The following IFT140 variants were observed in gnomAD, a reference collection of about 807,000 sequenced individuals.
IFT140 encodes the protein intraflagellar transport protein 140 homolog.
IFT140 carries 133 observed loss-of-function variants against 164.6 expected under a neutral mutation model. That is an observed-to-expected ratio of 0.81 (90% CI 0.70 to 0.93). The LOEUF (loss-of-function observed/expected upper bound fraction) is 0.93. Among genes scored for constraint, IFT140 ranks in the 40% least tolerant of loss-of-function variants. IFT140 has a pLI of 0.00. For missense variants in IFT140, 2,045 were observed against 1,972.3 expected, an observed-to-expected ratio of 1.04 and a Z score of -0.70; for synonymous variants, 860 against 817.3, an observed-to-expected ratio of 1.05 and a Z score of -0.89.
chr16:1,541,564 C>T (rs2031637832), intron 19 of IFT140: 1 of 923,298 alleles, frequency 1.1e-6, no homozygotes, highest in Non-Finnish European at 1.3e-6. Context: ...GTGGGCTTCC[C>T]CTTCCCACCT....
Position 1,523,796 on chromosome 16 carries a change from C to T in IFT140, c.3270+32G>A, listed in dbSNP as rs200749393. Reference sequence around the variant, plus strand: ...AAGGGCCCCCTGGCTTGCTGCCCCTCCCCCAGGTCCCCACCGGTGGCCAGC... The same window carrying T: ...AAGGGCCCCCTGGCTTGCTGCCCCTTCCCCAGGTCCCCACCGGTGGCCAGC... On this transcript the variant is annotated intron_variant, in intron 25 of 30. Transcript: ENST00000426508. 5.7e-5 allele frequency: 91 copies of T among 1,607,962 alleles called. No individual in the cohort carries two copies. The East Asian group carries it at 1.8e-3, about 32-fold the overall frequency.
At chr16:1,554,972 G>C in intron 19 of IFT140, 1 of 1,613,910 alleles carries the variant, frequency 6.2e-7, no homozygotes, top group South Asian at 1.1e-5. Context: ...GCCGCTCCCT[G>C]ACAGCGCGCT....
intron 7 of IFT140, among the ~76,000 whole-genome samples, chr16:1,589,240 C>T (rs551411841): frequency 6.6e-6 from 1 of 152,154 alleles, no homozygotes; most frequent in African/African-American, 2.4e-5. Flanking sequence ...AGCTGGAAGA[C>T]GGGGATACGG....
intron 19 of IFT140, among the ~76,000 whole-genome samples, chr16:1,537,909 C>G (rs1442130490): frequency 6.6e-6 from 1 of 152,196 alleles, no homozygotes; most frequent in Non-Finnish European, 1.5e-5. Flanking sequence ...TAAGACCCTG[C>G]CTGAATACAG....
intron 30 of IFT140, 47 bp from the exon 31 acceptor site, chr16:1,511,197 C>T: frequency 6.6e-7 from 1 of 1,514,356 alleles, no homozygotes. Flanking sequence ...AACAACCAGG[C>T]ACGACCCTCT....
At chr16:1,566,639 A>G (rs1039845372) in intron 15 of IFT140, among the ~76,000 whole-genome samples, 3 of 152,030 alleles carry the variant, frequency 2.0e-5, no homozygotes, top group African/African-American at 7.2e-5. Flanking sequence ...AAACTCCTTT[A>G]TTACAGCTGA....
At chr16:1,611,602 G>A (rs1287157472) in intron 1 of IFT140, among the ~76,000 whole-genome samples, 1 of 152,032 alleles carries the variant, frequency 6.6e-6, no homozygotes, top group Non-Finnish European at 1.5e-5. Context: ...ATCACTTGAG[G>A]TCAGGAGTTC....
intron 7 of IFT140, among the ~76,000 whole-genome samples, chr16:1,588,357 C>T (rs2035002593): frequency 6.6e-6 from 1 of 152,106 alleles, no homozygotes; most frequent in South Asian, 2.1e-4. Flanking sequence ...AACCCCATCT[C>T]TACTAAAAAT....
At chr16:1,601,231 T>G (rs2035781332) in intron 4 of IFT140, among the ~76,000 whole-genome samples, 2 of 148,894 alleles carry the variant, frequency 1.3e-5, no homozygotes, top group Admixed American at 1.3e-4. Context: ...GCCACTGCAC[T>G]CTAGCCTGGG....
chr16:1,542,048 G>A (rs1468430523), intron 19 of IFT140: 2 of 1,610,070 alleles, frequency 1.2e-6, no homozygotes, highest in African/African-American at 2.7e-5. Context: ...GCTGGGAGGA[G>A]GCCATGGCCG....
chr16:1,569,424 C>T (rs1267636167), intron 14 of IFT140, among the ~76,000 whole-genome samples: 1 of 151,504 alleles, frequency 6.6e-6, no homozygotes, highest in Non-Finnish European at 1.5e-5. Context: ...AGCTTCTTTC[C>T]TTCCTCCCTC....
At chr16:1,584,948 G>A (rs977692120) in intron 10 of IFT140, among the ~76,000 whole-genome samples, 6 of 152,192 alleles carry the variant, frequency 3.9e-5, no homozygotes, top group African/African-American at 1.4e-4. Flanking sequence ...AAAGGGCTCA[G>A]ATGTTGGACT....
Position 1,511,126 on chromosome 16 carries a change from G to A in IFT140, c.4207C>T (p.Arg1403Trp), listed in dbSNP as rs772400580. 10 of 1,608,340 alleles carry A rather than the reference G, an allele frequency of 6.2e-6. No individual in the cohort carries two copies. Among genetic ancestry groups the A allele is most frequent in the South Asian group, 1.1e-5 (1 of 89,970 alleles). The stretch of plus-strand genomic sequence containing the variant: ...ATGTTGGCCAAGGGAAGCCGCCGCC[G>A]CATCTCCTCCAGGAATCTGTAGGCC... ...QTAYRFLEEM[R>W]RRLPLANMSY... Residue 1403 changes from arginine to tryptophan, a missense_variant, in exon 31 of 31, where the codon CGG becomes TGG. Coordinates refer to ENST00000426508, the MANE Select transcript of IFT140 (RefSeq NM_014714.4).
intron 20 of IFT140, 171 bp from the exon 21 acceptor site, chr16:1,526,248 C>A: frequency 3.0e-6 from 2 of 662,228 alleles, no homozygotes; most frequent in Non-Finnish European, 5.1e-6. Flanking sequence ...GCATCCCCGT[C>A]CCACGGCTGG....
intron 30 of IFT140, among the ~76,000 whole-genome samples, chr16:1,517,089 G>C (rs573989915): frequency 6.6e-6 from 1 of 152,092 alleles, no homozygotes; most frequent in African/African-American, 2.4e-5. Flanking sequence ...AGGGAACTTC[G>C]GCCAGGCGCG....
intron 10 of IFT140, among the ~76,000 whole-genome samples, chr16:1,584,728 G>A (rs1222787469): frequency 6.6e-6 from 1 of 152,112 alleles, no homozygotes; most frequent in African/African-American, 2.4e-5. Context: ...TTTTCTGAGT[G>A]TGACATAGGG....
chr16:1,557,900 C>T (rs768392244), intron 19 of IFT140, 35 bp downstream of exon 19: 6 of 1,602,092 alleles, frequency 3.7e-6, no homozygotes, highest in Admixed American at 3.3e-5. Flanking sequence ...TGAGCACGCG[C>T]TATCTCCCAA....
intron 12 of IFT140, among the ~76,000 whole-genome samples, 174 bp downstream of exon 12, chr16:1,583,140 C>A (rs1020949683): frequency 6.6e-6 from 1 of 152,180 alleles, no homozygotes; most frequent in African/African-American, 2.4e-5. Context: ...CCAGGATGCA[C>A]TGGCAGCACG....
chr16:1,541,790 C>T, intron 19 of IFT140: 1 of 1,135,576 alleles, frequency 8.8e-7, no homozygotes, highest in Non-Finnish European at 1.2e-6. Context: ...GAAGCCACTG[C>T]CCAATGGAGG....
Sources: gnomAD v4.1 joint callset for allele counts (sites outside exome capture counted in the v4.1 genomes callset) on GRCh38, gnomAD v4.1.1 for gene constraint, MANE v1.5 for transcripts, NCBI Gene and HGNC (gene_info 2026-07-23, HGNC 2026-07-21) for gene names.